Variants in DCLK1 observed in about 807,000 individuals in gnomAD.
The protein encoded by DCLK1 is doublecortin like kinase 1.
Under a neutral mutation model 86.2 loss-of-function variants are expected in DCLK1, and 16 were observed. The ratio of observed to expected loss-of-function variants is 0.19; its 90% CI spans 0.13 to 0.28. DCLK1 has a LOEUF of 0.28. DCLK1 is among the 10% of genes least tolerant of loss of function. The probability of loss-of-function intolerance (pLI) is 1.00; values close to 1 mark genes in which losing one functional copy is unlikely to be tolerated. For missense variants in DCLK1, 590 were observed against 940.2 expected (o/e 0.63, Z 4.87); for synonymous variants, 369 against 370.5 (o/e 1.00, Z 0.05).
At chr13:35,885,774 A>G (rs1032618903) in intron 4 of DCLK1, among the ~76,000 whole-genome samples, 6 of 152,228 alleles carry the variant, frequency 3.9e-5, no homozygotes, top group Middle Eastern at 3.2e-3. Flanking sequence ...AAAAATGAAA[A>G]TGATCAGGGC....
chr13:35,975,195 G>A (rs1254437135), intron 3 of DCLK1, among the ~76,000 whole-genome samples: 2 of 152,238 alleles, frequency 1.3e-5, no homozygotes, highest in Admixed American at 6.5e-5. Flanking sequence ...GAGGGCAGGT[G>A]CAGCCTGTGG....
chr13:35,957,105 A>C (rs748457474), intron 3 of DCLK1, among the ~76,000 whole-genome samples: 12 of 152,192 alleles, frequency 7.9e-5, no homozygotes, highest in Non-Finnish European at 1.6e-4. Flanking sequence ...AGTGTTTATA[A>C]GCCTACAAAA....
rs1566631754 is a variant in DCLK1, at chr13:35,982,437, AGGGAGG to A, written c.724-34986_724-34981del. Among the ~76,000 whole-genome samples, 112 of 24,660 alleles carry A rather than the reference AGGGAGG, an allele frequency of 4.5e-3. 3 individuals carry two copies. The highest frequency in any genetic ancestry group is 8.4e-3 in the African/African-American group (32 of 3,798). 16.2% of individuals were successfully genotyped at this position (24,660 alleles called of 152,430 possible). ...GAGAGAGAGAGAGAGAGAGAGGGGG[AGGGAGG>A]GAGGGAGGGAGGGAGGGAGGGAGGG... On this transcript the variant is annotated intron_variant, in intron 3 of 16. Coordinates refer to ENST00000360631, the MANE Select transcript of DCLK1 (RefSeq NM_001330071.2).
chr13:35,862,736 G>A (rs912188826), intron 5 of DCLK1, among the ~76,000 whole-genome samples: 3 of 152,136 alleles, frequency 2.0e-5, no homozygotes, highest in Non-Finnish European at 4.4e-5. Flanking sequence ...ATAGTTTAAT[G>A]TCTTTGTGCC....
intron 3 of DCLK1, among the ~76,000 whole-genome samples, chr13:36,077,191 G>A (rs895439430): frequency 3.9e-5 from 6 of 152,178 alleles, no homozygotes; most frequent in African/African-American, 9.6e-5. Context: ...TGCCCAAGGT[G>A]ACACTGCTAT....
Position 35,883,661 on chromosome 13 carries a change from G to A in DCLK1, c.824-12321C>T, listed in dbSNP as rs555923683. ...AGTCTAAAAGGGAACTCTGGCTGGC[G>A]TGTAGAGGAAACATTGCAAAGTGGT... On this transcript the variant is annotated intron_variant, in intron 4 of 16. Coordinates refer to ENST00000360631, the MANE Select transcript of DCLK1 (RefSeq NM_001330071.2). Among the ~76,000 whole-genome samples the A allele has an allele frequency of 7.9e-5, 12 of 152,306 alleles. 1 individual carries two copies. Among genetic ancestry groups the A allele is most frequent in the African/African-American group, 2.6e-4 (11 of 41,564 alleles).
chr13:35,878,517 T>C (rs1394515801), intron 4 of DCLK1, among the ~76,000 whole-genome samples: 3 of 151,792 alleles, frequency 2.0e-5, no homozygotes, highest in Non-Finnish European at 4.4e-5. Context: ...AAACAAAGCA[T>C]TGCAGTGGGG....
intron 4 of DCLK1, among the ~76,000 whole-genome samples, chr13:35,937,819 C>A (rs1349437930): frequency 6.6e-6 from 1 of 152,152 alleles, no homozygotes; most frequent in African/African-American, 2.4e-5. Context: ...GAAGTGGAGG[C>A]TTCAAGGACA....
intron 16 of DCLK1, among the ~76,000 whole-genome samples, chr13:35,776,556 C>T (rs921251024): frequency 2.6e-5 from 4 of 152,176 alleles, no homozygotes; most frequent in African/African-American, 9.7e-5. Context: ...TGACCATCCA[C>T]CCAGGTTTCT....
intron 3 of DCLK1, among the ~76,000 whole-genome samples, chr13:35,972,645 G>T (rs1441465720): frequency 2.0e-5 from 3 of 152,060 alleles, no homozygotes; most frequent in African/African-American, 7.2e-5. Flanking sequence ...GAGATGGGGT[G>T]GGGGGCAGCA....
chr13:36,052,340 A>G (rs1883151057), intron 3 of DCLK1, among the ~76,000 whole-genome samples: 1 of 152,160 alleles, frequency 6.6e-6, no homozygotes, highest in African/African-American at 2.4e-5. Context: ...TACCCTACAG[A>G]AATTCAAAGA....
chr13:35,783,589 C>T (rs2086568638), intron 16 of DCLK1, among the ~76,000 whole-genome samples: 1 of 152,074 alleles, frequency 6.6e-6, no homozygotes, highest in Admixed American at 6.6e-5. Context: ...TCTCAATCTC[C>T]ATGACTTTTT....
intron 2 of DCLK1, among the ~76,000 whole-genome samples, chr13:36,124,010 C>T (rs577653297): frequency 6.6e-6 from 1 of 152,280 alleles, no homozygotes; most frequent in Admixed American, 6.5e-5. Context: ...GGGTGGGAAA[C>T]TGATTGAAGT....
At chr13:36,067,408 TG>T (rs1270377982) in intron 3 of DCLK1, among the ~76,000 whole-genome samples, 1 of 89,792 alleles carries the variant, frequency 1.1e-5, no homozygotes, top group African/African-American at 4.5e-5. Flanking sequence ...GGGACTGTTG[TG>T]GGGTGGGGGG....
intron 14 of DCLK1, among the ~76,000 whole-genome samples, chr13:35,807,845 G>C (rs1421489851): frequency 1.3e-5 from 2 of 152,188 alleles, no homozygotes; most frequent in Non-Finnish European, 2.9e-5. Context: ...GAACCAGGAT[G>C]GTCTGGGAAG....
intron 3 of DCLK1, among the ~76,000 whole-genome samples, chr13:36,005,874 A>G (rs1393011003): frequency 6.6e-6 from 1 of 152,216 alleles, no homozygotes; most frequent in Non-Finnish European, 1.5e-5. Context: ...AGGGACATGG[A>G]TGAAGCTGGA....
At chr13:36,008,998 GT>G (rs1244521362) in intron 3 of DCLK1, among the ~76,000 whole-genome samples, 1 of 102,248 alleles carries the variant, frequency 9.8e-6, no homozygotes, top group Non-Finnish European at 1.9e-5. Context: ...TTTTTCATGT[GT>G]TTTTTGGCTG....
intron 3 of DCLK1, among the ~76,000 whole-genome samples, chr13:35,978,560 C>A (rs1879473767): frequency 2.0e-5 from 3 of 152,082 alleles, no homozygotes; most frequent in Admixed American, 1.3e-4. Context: ...TTATAATATT[C>A]TTTCCATTCT....
At chr13:35,783,374 A>G (rs2086563811) in intron 16 of DCLK1, among the ~76,000 whole-genome samples, 1 of 152,024 alleles carries the variant, frequency 6.6e-6, no homozygotes, top group Non-Finnish European at 1.5e-5. Context: ...TTGCACAAGC[A>G]GCTAATTTAA....
Sources: allele counts gnomAD v4.1 joint callset (sites outside exome capture counted in the v4.1 genomes callset), GRCh38; gene constraint gnomAD v4.1.1; transcripts MANE v1.5; gene names NCBI Gene and HGNC (gene_info 2026-07-23, HGNC 2026-07-21).